Variants in STXBP5L observed in about 807,000 individuals in gnomAD.
STXBP5L encodes the protein syntaxin-binding protein 5-like.
In STXBP5L, 65 loss-of-function variants were observed where a neutral mutation model predicts 144.5. The ratio of observed to expected loss-of-function variants is 0.45; its 90% CI spans 0.37 to 0.55. The LOEUF is 0.55. Among genes scored for constraint, STXBP5L ranks in the 20% least tolerant of loss-of-function variants. The pLI, the probability that STXBP5L is intolerant of heterozygous loss-of-function variation, is 0.00. For synonymous variants in STXBP5L, 505 were observed against 469.6 expected (o/e 1.08, Z -0.97); for missense variants, 1,298 against 1,405.5 (o/e 0.92, Z 1.22).
At chr3:120,921,762 A>G (rs1211740018) in intron 2 of STXBP5L, among the ~76,000 whole-genome samples, 1 of 152,052 alleles carries the variant, frequency 6.6e-6, no homozygotes, top group Admixed American at 6.6e-5. Context: ...TTTTTCAAAA[A>G]TTAGTTGGCT....
At chr3:121,310,076 A>G (rs1233110575) in intron 19 of STXBP5L, among the ~76,000 whole-genome samples, 1 of 152,242 alleles carries the variant, frequency 6.6e-6, no homozygotes, top group African/African-American at 2.4e-5. Flanking sequence ...TCAATGAAGA[A>G]AGTCTTTTTA....
intron 20 of STXBP5L, among the ~76,000 whole-genome samples, chr3:121,369,478 T>A (rs1379785999): frequency 6.6e-6 from 1 of 152,156 alleles, no homozygotes. Flanking sequence ...TTATTTTGAA[T>A]TCTTTGTCAG....
chr3:121,413,714 A>T lies in STXBP5L; in HGVS notation c.3114+391A>T, dbSNP rs895503389. Among the ~76,000 whole-genome samples the T allele has an allele frequency of 3.9e-5, 6 of 152,304 alleles. No individual in the cohort carries two copies. In the South Asian group the frequency reaches 1.0e-3, roughly 26 times the overall value. ...AAGAAACCTTGTGATTAAGGGACAC[A>T]CAAAATAAACATATATCCTGTGGGT... On this transcript the variant is annotated intron_variant, in intron 24 of 26. Coordinates refer to ENST00000471454, the MANE Select transcript of STXBP5L (RefSeq NM_001308330.2).
At chr3:121,400,556 C>T (rs1046936302) in intron 22 of STXBP5L, among the ~76,000 whole-genome samples, 1 of 152,128 alleles carries the variant, frequency 6.6e-6, no homozygotes, top group Non-Finnish European at 1.5e-5. Context: ...GGTCTTATTG[C>T]TGTAAAGAGG....
At chr3:121,222,772 C>A (rs570353835) in intron 10 of STXBP5L, among the ~76,000 whole-genome samples, 6 of 152,252 alleles carry the variant, frequency 3.9e-5, no homozygotes, top group African/African-American at 1.4e-4. Context: ...AAACCTACCC[C>A]AATATGTTTA....
chr3:121,206,910 A>G (rs1172847039), intron 10 of STXBP5L, among the ~76,000 whole-genome samples: 1 of 152,354 alleles, frequency 6.6e-6, no homozygotes, highest in Non-Finnish European at 1.5e-5. Context: ...AATTACCATA[A>G]TAAATCTTGC....
At chr3:121,261,439 C>T (rs1220877728) in intron 18 of STXBP5L, among the ~76,000 whole-genome samples, 2 of 152,026 alleles carry the variant, frequency 1.3e-5, no homozygotes, top group Non-Finnish European at 2.9e-5. Flanking sequence ...CAACATAACT[C>T]GATGCAAAAA....
chr3:121,406,105 T>C (rs1042736018), intron 22 of STXBP5L, among the ~76,000 whole-genome samples: 6 of 152,042 alleles, frequency 3.9e-5, no homozygotes, highest in Non-Finnish European at 8.8e-5. Context: ...TTTTCCTTCA[T>C]GGGAGATTGG....
chr3:121,367,862 C>G (rs1350026989), intron 20 of STXBP5L, among the ~76,000 whole-genome samples: 1 of 135,982 alleles, frequency 7.4e-6, no homozygotes. Flanking sequence ...GGAACTCAAG[C>G]AGTCTTCCTG....
At chr3:120,987,381 G>A (rs1942386688) in intron 3 of STXBP5L, among the ~76,000 whole-genome samples, 1 of 151,860 alleles carries the variant, frequency 6.6e-6, no homozygotes, top group Non-Finnish European at 1.5e-5. Context: ...TAATGACATT[G>A]AATAAACATG....
intron 3 of STXBP5L, among the ~76,000 whole-genome samples, chr3:121,004,234 G>A (rs1576630824): frequency 6.6e-6 from 1 of 151,766 alleles, no homozygotes; most frequent in South Asian, 2.1e-4. Flanking sequence ...ATCGAGCAGT[G>A]GTTTGTAGCT....
At chr3:121,342,960 C>T (rs1442294442) in intron 20 of STXBP5L, among the ~76,000 whole-genome samples, 1 of 150,426 alleles carries the variant, frequency 6.6e-6, no homozygotes, top group Non-Finnish European at 1.5e-5. Flanking sequence ...TACAGTCCCA[C>T]CAACAGTGTA....
intron 5 of STXBP5L, 54 bp downstream of exon 5, chr3:121,045,589 A>G (rs1947462728): frequency 6.5e-7 from 1 of 1,529,430 alleles, no homozygotes; most frequent in East Asian, 2.3e-5. Context: ...TTATTTCCTG[A>G]GCAAGTTTTT....
rs116719443 is a variant in STXBP5L at position 120,950,363 on chromosome 3, G to A, written c.190-4577G>A. ...GATTTATTTCTGGAATCTCATTTCC[G>A]TTCCATTAATCTATATGTCTATCCT... On this transcript the variant is annotated intron_variant, in intron 2 of 26. Coordinates refer to ENST00000471454, the MANE Select transcript of STXBP5L (RefSeq NM_001308330.2). 1.8e-3 allele frequency among the ~76,000 whole-genome samples: 272 copies of A among 152,052 alleles called. 2 individuals are homozygous for A. The highest frequency in any genetic ancestry group is 6.4e-3 in the African/African-American group (266 of 41,534).
Position 121,210,890 on chromosome 3 carries a change from C to G in STXBP5L, c.956+4889C>G, listed in dbSNP as rs191012597. Among the ~76,000 whole-genome samples, 647 of 152,168 alleles carry G rather than the reference C, an allele frequency of 4.3e-3. 5 individuals carry two copies. The highest frequency in any genetic ancestry group is 0.015 in the African/African-American group (617 of 41,502). ...GATGCCTCCAGCTTTGTTCTTTTGG[C>G]TTAGGATTGTCTTGGCAATACGGGA... On this transcript the variant is annotated intron_variant, in intron 10 of 26. Transcript: ENST00000471454.
At chr3:121,183,692 G>A (rs2047254540) in intron 9 of STXBP5L, among the ~76,000 whole-genome samples, 1 of 152,004 alleles carries the variant, frequency 6.6e-6, no homozygotes. Context: ...AAGGAAGCAA[G>A]GAAGGGCAAG....
At chr3:121,212,515 G>A (rs2048615550) in intron 10 of STXBP5L, among the ~76,000 whole-genome samples, 1 of 152,170 alleles carries the variant, frequency 6.6e-6, no homozygotes, top group African/African-American at 2.4e-5. Context: ...TCAAAGATCA[G>A]ATGGTTGTAG....
Position 121,419,797 on chromosome 3 carries a change from CA to C in STXBP5L, c.*701del, listed in dbSNP as rs960990276. The C allele has an allele frequency of 2.0e-5, 3 of 152,222 alleles. No individual in the cohort carries two copies. Among genetic ancestry groups the C allele is most frequent in the Admixed American group, 1.3e-4 (2 of 15,268 alleles). 9.4% of individuals were successfully genotyped at this position (152,222 alleles called of 1,614,324 possible). Reference sequence around the variant, plus strand: ...TGCCAGTATAGTAAATTATTCCCAACACAATCAGTTTCATTTCTATCACCTT... The same window carrying C: ...TGCCAGTATAGTAAATTATTCCCAACCAATCAGTTTCATTTCTATCACCTT... On this transcript the variant is annotated 3_prime_UTR_variant, in exon 27 of 27. Transcript: ENST00000471454.
chr3:121,209,443 A>T (rs1577215585), intron 10 of STXBP5L, among the ~76,000 whole-genome samples: 1 of 151,790 alleles, frequency 6.6e-6, no homozygotes, highest in African/African-American at 2.4e-5. Flanking sequence ...TTTTTATTTT[A>T]TTATTATACT....
Sources: gnomAD v4.1 joint callset for allele counts (sites outside exome capture counted in the v4.1 genomes callset) on GRCh38, gnomAD v4.1.1 for gene constraint, MANE v1.5 for transcripts, NCBI Gene and HGNC (gene_info 2026-07-23, HGNC 2026-07-21) for gene names.